The following RPS6KA2 variants were observed in gnomAD, a reference collection of about 807,000 sequenced individuals.
RPS6KA2 encodes ribosomal protein S6 kinase A2, also known as ribosomal protein S6 kinase alpha-2.
Under a neutral mutation model 91.8 loss-of-function variants are expected in RPS6KA2, and 42 were observed. The observed-to-expected ratio is 0.46, with a 90% CI of 0.36 to 0.59. The LOEUF (loss-of-function observed/expected upper bound fraction) is 0.59, where lower values mean the gene tolerates loss of function less well. Ranked by LOEUF, RPS6KA2 falls within the 20% of genes least tolerant of loss-of-function variation. The probability of loss-of-function intolerance (pLI) is 0.00; values close to 1 mark genes in which losing one functional copy is unlikely to be tolerated. For synonymous variants in RPS6KA2, 414 were observed against 393.6 expected (o/e 1.05, Z -0.61); for missense variants, 798 against 978.5 (o/e 0.82, Z 2.46).
intron 1 of RPS6KA2, among the ~76,000 whole-genome samples, chr6:166,613,217 C>T (rs1487961937): frequency 3.3e-5 from 5 of 152,218 alleles, no homozygotes; most frequent in South Asian, 2.1e-4. Flanking sequence ...TGAATGCTTC[C>T]GGTGCTGCAT....
intron 10 of RPS6KA2, among the ~76,000 whole-genome samples, chr6:166,480,797 A>G (rs1463115156): frequency 6.6e-6 from 1 of 151,730 alleles, no homozygotes; most frequent in East Asian, 1.9e-4. Context: ...TTACAGGCGT[A>G]CACCACCACT....
At chr6:166,650,148 CAAA>C (rs71800915) in intron 2 of RPS6KA2, among the ~76,000 whole-genome samples, 8 of 94,712 alleles carry the variant, frequency 8.4e-5, no homozygotes, top group Non-Finnish European at 8.7e-5. Context: ...TTGGGAATTA[CAAA>C]AAAAAAAAAA....
intron 1 of RPS6KA2, chr6:166,586,169 T>A: frequency 1.3e-6 from 2 of 1,569,396 alleles, no homozygotes; most frequent in Non-Finnish European, 1.7e-6. Context: ...AATGTCCATA[T>A]TGCTGGGGAT....
rs58153048 is a variant in RPS6KA2 at position 166,585,498 on chromosome 6, CTTTTTT to C, written c.99+41417_99+41422del. On this transcript the variant is annotated intron_variant, in intron 1 of 20. Transcript: ENST00000265678. ...ATCTCAAACATGACATCAAACAAGT[CTTTTTT>C]TTTTTTTTTTTTTTTCCTTATTTTA... 1.5e-4 allele frequency among the ~76,000 whole-genome samples: 13 copies of C among 86,308 alleles called. No homozygotes were observed. The South Asian group carries it at 2.4e-3, about 16-fold the overall frequency. The allele number at this position is 86,308 out of a possible 152,430, so 56.6% of individuals were successfully genotyped here. A position where few individuals can be genotyped will look rare whatever the true frequency, so the allele number is the denominator to read the frequency against.
At chr6:166,583,657 G>A (rs1452442379) in intron 1 of RPS6KA2, among the ~76,000 whole-genome samples, 4 of 152,172 alleles carry the variant, frequency 2.6e-5, no homozygotes, top group Non-Finnish European at 5.9e-5. Context: ...GAATTCCTGA[G>A]TGCTTATTAA....
chr6:166,857,944 T>C (rs1007116453), intron 2 of RPS6KA2: 1 of 523,308 alleles, frequency 1.9e-6, no homozygotes, highest in East Asian at 3.3e-5. Context: ...CAGGAGACCA[T>C]GAACTTTACC....
At chr6:166,653,171 G>C (rs2206124) in intron 2 of RPS6KA2, among the ~76,000 whole-genome samples, 2 of 152,036 alleles carry the variant, frequency 1.3e-5, no homozygotes, top group Non-Finnish European at 2.9e-5. Flanking sequence ...AGCAATTCTC[G>C]TGCCTCAGCC....
At chr6:166,822,421 A>T (rs1459111233) in intron 2 of RPS6KA2, among the ~76,000 whole-genome samples, 1 of 152,194 alleles carries the variant, frequency 6.6e-6, no homozygotes, top group Non-Finnish European at 1.5e-5. Flanking sequence ...AGGACGCAGC[A>T]AGAGGGTGCC....
intron 1 of RPS6KA2, among the ~76,000 whole-genome samples, chr6:166,559,127 A>G (rs568053000): frequency 1.6e-4 from 24 of 152,306 alleles, no homozygotes; most frequent in South Asian, 6.2e-4. Context: ...GACCTGGAAT[A>G]TGACACACCG....
intron 2 of RPS6KA2, among the ~76,000 whole-genome samples, chr6:166,728,588 G>A (rs1790417985): frequency 6.6e-6 from 1 of 152,178 alleles, no homozygotes; most frequent in South Asian, 2.1e-4. Context: ...CCGTCAGCCA[G>A]ACTCACACCC....
In RPS6KA2 at chr6:166,770,451, C is replaced by G. The variant is rs1171065460; in HGVS notation, c.123+87749G>C. Reference sequence around the variant, plus strand: ...CAGCCCCAGGCAGCTTCAGCACCCCCACGTTTGCCTCGCTGCCATGGCTCC... The same window carrying G: ...CAGCCCCAGGCAGCTTCAGCACCCCGACGTTTGCCTCGCTGCCATGGCTCC... On this transcript the variant is annotated intron_variant, in intron 2 of 21. Transcript: ENST00000503859. This position sits in a 1 kb window ranked among gnomAD's most constrained non-coding sequence, Gnocchi z 5.1. Among the ~76,000 whole-genome samples the G allele has an allele frequency of 6.6e-6, 1 of 151,834 alleles. No homozygotes were observed. Among genetic ancestry groups the G allele is most frequent in the Non-Finnish European group, 1.5e-5 (1 of 68,050 alleles).
In RPS6KA2 at chr6:166,635,827, A is replaced by G. The variant is rs1787219826; in HGVS notation, c.124-97043T>C. Among the ~76,000 whole-genome samples the G allele has an allele frequency of 6.6e-6, 1 of 151,902 alleles. No individual in the cohort carries two copies. Among genetic ancestry groups the G allele is most frequent in the African/African-American group, 2.4e-5 (1 of 41,328 alleles). On this transcript the variant is annotated intron_variant, in intron 2 of 21. Transcript: ENST00000503859. The surrounding 1 kb of genome is among the most constrained non-coding windows in gnomAD (Gnocchi z 4.8). The stretch of plus-strand genomic sequence containing the variant: ...GGGAGAAGGCTGCATCCACCCCAGG[A>G]GGGTGACCTGGGTGTGTCCGGTAAA...
intron 12 of RPS6KA2, among the ~76,000 whole-genome samples, chr6:166,455,339 C>T (rs776598422): frequency 1.3e-5 from 2 of 152,208 alleles, no homozygotes; most frequent in East Asian, 1.9e-4. Flanking sequence ...CTGGTGCAAG[C>T]GGGGGCCAGG....
At chr6:166,559,300 C>T (rs1384439754) in intron 1 of RPS6KA2, among the ~76,000 whole-genome samples, 3 of 152,146 alleles carry the variant, frequency 2.0e-5, no homozygotes, top group Admixed American at 1.3e-4. Context: ...TCTCAATGCA[C>T]AGGGATAGAG....
chr6:166,611,975 T>C (rs1786196987), intron 1 of RPS6KA2, among the ~76,000 whole-genome samples: 2 of 152,130 alleles, frequency 1.3e-5, no homozygotes, highest in African/African-American at 2.4e-5. Flanking sequence ...ACAAAAAGTT[T>C]CTCTAAAAAC....
intron 1 of RPS6KA2, among the ~76,000 whole-genome samples, chr6:166,561,643 T>G (rs1411701702): frequency 6.6e-6 from 1 of 151,950 alleles, no homozygotes; most frequent in African/African-American, 2.4e-5. Context: ...CTAGGCTGCT[T>G]GACTCTTGCT....
In RPS6KA2 at chr6:166,590,498, C is replaced by T. The variant is rs532009024; in HGVS notation, c.99+36423G>A. The stretch of plus-strand genomic sequence containing the variant: ...GGGTGAGAACCATGCCATCAGCCTG[C>T]CCCAGAAGAATCCAGACATGCAGCA... On this transcript the variant is annotated intron_variant, in intron 1 of 20. Transcript: ENST00000265678. 2.0e-5 allele frequency among the ~76,000 whole-genome samples: 3 copies of T among 152,244 alleles called. No homozygotes were observed. In the East Asian group the frequency reaches 5.8e-4, roughly 29 times the overall value.
At position 166,538,195 on chromosome 6, in the gene RPS6KA2, C is replaced by T. The variant is rs192022378; in HGVS notation, c.216+473G>A. Among the ~76,000 whole-genome samples, 157 of 152,308 alleles carry T rather than the reference C, an allele frequency of 1.0e-3. 1 individual carries two copies. The highest frequency in any genetic ancestry group is 3.6e-3 in the African/African-American group (151 of 41,564). On this transcript the variant is annotated intron_variant, in intron 2 of 20. Transcript: ENST00000265678. ...GGAAGCTGAGGCTTCATGAGGCAAT[C>T]GTGCAGGGTGAGGAGGGGAGCCGGC...
chr6:166,649,649 C>A (rs1205434397), intron 2 of RPS6KA2, among the ~76,000 whole-genome samples: 1 of 152,176 alleles, frequency 6.6e-6, no homozygotes, highest in Non-Finnish European at 1.5e-5. Context: ...ACTCATGCAA[C>A]CCCCACTCCC....
Sources: allele counts gnomAD v4.1 joint callset (sites outside exome capture counted in the v4.1 genomes callset), GRCh38; gene constraint gnomAD v4.1.1; non-coding constraint Gnocchi (gnomAD v3.1); transcripts MANE v1.5; gene names NCBI Gene and HGNC (gene_info 2026-07-23, HGNC 2026-07-21).